SERGEF: variants seen among roughly 807,000 people sequenced by gnomAD.
The protein encoded by SERGEF is secretion-regulating guanine nucleotide exchange factor.
Under a neutral mutation model 50.0 loss-of-function variants are expected in SERGEF, and 51 were observed. The observed-to-expected ratio is 1.02, with a 90% CI of 0.81 to 1.29. The LOEUF (loss-of-function observed/expected upper bound fraction) is 1.29. Among genes scored for constraint, SERGEF ranks in the 50% most tolerant of loss-of-function variants. The pLI is 0.00. For missense variants in SERGEF, 521 were observed against 557.0 expected, an observed-to-expected ratio of 0.94 and a Z score of 0.65; for synonymous variants, 205 against 212.4, an observed-to-expected ratio of 0.97 and a Z score of 0.30.
intron 8 of SERGEF, among the ~76,000 whole-genome samples, chr11:17,972,096 T>C (rs567674205): frequency 1.3e-5 from 2 of 152,254 alleles, no homozygotes; most frequent in African/African-American, 4.8e-5. Flanking sequence ...TTGCTTCTTA[T>C]GGATGGCAAA....
chr11:17,864,737 G>C (rs1850990726), intron 10 of SERGEF, among the ~76,000 whole-genome samples: 1 of 152,134 alleles, frequency 6.6e-6, no homozygotes, highest in South Asian at 2.1e-4. Context: ...CTCCCTGTCT[G>C]GCAAACAGCT....
At chr11:17,880,394 T>C (rs768180360) in intron 9 of SERGEF, among the ~76,000 whole-genome samples, 26 of 152,160 alleles carry the variant, frequency 1.7e-4, no homozygotes, top group Non-Finnish European at 3.2e-4. Flanking sequence ...TGTCGAACAA[T>C]TGGGAAATGC....
Position 17,873,032 on chromosome 11 carries a change from C to G in SERGEF, c.1048+5176G>C, listed in dbSNP as rs1301437083. Among the ~76,000 whole-genome samples, 6 of 152,038 alleles carry G rather than the reference C, an allele frequency of 3.9e-5. No individual in the cohort carries two copies. In the East Asian group the frequency reaches 9.6e-4, roughly 24 times the overall value. On this transcript the variant is annotated intron_variant, in intron 10 of 10. Coordinates refer to ENST00000265965, the MANE Select transcript of SERGEF (RefSeq NM_012139.4). ...CATGTGGTAGAAGGGTTTTGGGGAG[C>G]TAGAGAGAGGGGGATAGCATGGAAG...
chr11:17,956,866 A>G (rs554135998), intron 9 of SERGEF, among the ~76,000 whole-genome samples: 43 of 152,294 alleles, frequency 2.8e-4, no homozygotes, highest in African/African-American at 9.6e-4. Flanking sequence ...CCCATGACCA[A>G]GGTAGCACCT....
intron 9 of SERGEF, among the ~76,000 whole-genome samples, chr11:17,901,253 T>C (rs1851744994): frequency 6.6e-6 from 1 of 152,208 alleles, no homozygotes; most frequent in South Asian, 2.1e-4. Flanking sequence ...AAAACACCTG[T>C]ACTGGACAAT....
chr11:18,007,883 C>A (rs550664411), intron 2 of SERGEF, 58 bp downstream of exon 2: 3 of 1,514,466 alleles, frequency 2.0e-6, no homozygotes, highest in Admixed American at 3.7e-5. Flanking sequence ...AATATCATAT[C>A]CAGGGGAAAA....
intron 9 of SERGEF, among the ~76,000 whole-genome samples, chr11:17,957,547 T>G (rs966501578): frequency 3.3e-5 from 5 of 152,174 alleles, no homozygotes; most frequent in African/African-American, 1.2e-4. Flanking sequence ...GCACCTTAAC[T>G]CACTAAGCAG....
chr11:17,847,351 G>A (rs903447346), intron 10 of SERGEF, among the ~76,000 whole-genome samples: 2 of 152,132 alleles, frequency 1.3e-5, no homozygotes, highest in Non-Finnish European at 2.9e-5. Flanking sequence ...CTTTATTTGG[G>A]GGGAAGGGGG....
chr11:17,827,085 T>C (rs1850210039), intron 10 of SERGEF, among the ~76,000 whole-genome samples: 1 of 152,252 alleles, frequency 6.6e-6, no homozygotes. Flanking sequence ...CCTGAGATTT[T>C]ATTATTCTGA....
At chr11:17,953,367 G>C (rs1381533056) in intron 9 of SERGEF, among the ~76,000 whole-genome samples, 1 of 152,184 alleles carries the variant, frequency 6.6e-6, no homozygotes, top group Non-Finnish European at 1.5e-5. Context: ...AAGGTGAATA[G>C]GCACGAAAGT....
chr11:18,012,036 T>TCATGTGTATTTCCCC (rs1160047250), intron 1 of SERGEF, among the ~76,000 whole-genome samples: 1 of 152,230 alleles, frequency 6.6e-6, no homozygotes, highest in South Asian at 2.1e-4. Context: ...TGTATTTCAC[T>TCATGTGTATTTCCCC]CATGTGTATT....
At chr11:17,929,998 G>T (rs1852322943) in intron 9 of SERGEF, among the ~76,000 whole-genome samples, 1 of 152,190 alleles carries the variant, frequency 6.6e-6, no homozygotes, top group Admixed American at 6.5e-5. Flanking sequence ...CTGAACAAAT[G>T]AACAAACTGG....
chr11:17,854,921 C>T (rs780309065), intron 10 of SERGEF: 30 of 152,112 alleles, frequency 2.0e-4, no homozygotes, highest in Admixed American at 4.6e-4. Context: ...TATATTATCC[C>T]GTCTAACTGT....
intron 8 of SERGEF, among the ~76,000 whole-genome samples, chr11:17,970,562 G>C (rs1853225807): frequency 6.6e-6 from 1 of 152,184 alleles, no homozygotes; most frequent in Non-Finnish European, 1.5e-5. Flanking sequence ...TTAATCTTAG[G>C]GAGGAAGGTA....
intron 10 of SERGEF, among the ~76,000 whole-genome samples, chr11:17,820,625 G>A (rs1303192639): frequency 6.6e-6 from 1 of 152,166 alleles, no homozygotes; most frequent in East Asian, 1.9e-4. Context: ...TACAATCTTG[G>A]ACTGTATAGT....
chr11:17,904,331 T>C (rs1447292642), intron 9 of SERGEF, among the ~76,000 whole-genome samples: 1 of 152,198 alleles, frequency 6.6e-6, no homozygotes, highest in Non-Finnish European at 1.5e-5. Context: ...GACTAAAGTC[T>C]ACTCTTAAGA....
intron 8 of SERGEF, among the ~76,000 whole-genome samples, chr11:17,973,992 G>A (rs568672500): frequency 6.6e-6 from 1 of 152,298 alleles, no homozygotes; most frequent in East Asian, 1.9e-4. Context: ...CAAAGTAGGG[G>A]GTTGGGAGAG....
intron 9 of SERGEF, among the ~76,000 whole-genome samples, chr11:17,880,210 T>C (rs1034378426): frequency 1.3e-5 from 2 of 152,234 alleles, no homozygotes; most frequent in Admixed American, 6.5e-5. Context: ...GTTTAGTCTC[T>C]GAGCTCCTTT....
intron 9 of SERGEF, among the ~76,000 whole-genome samples, chr11:17,932,535 G>A (rs3993323): frequency 0.12 from 18,305 of 152,204 alleles, 1,351 homozygotes; most frequent in Middle Eastern, 0.22. Context: ...AGACTGCTTA[G>A]AGTTGAATTT....
Sources: allele counts gnomAD v4.1 joint callset (sites outside exome capture counted in the v4.1 genomes callset), GRCh38; gene constraint gnomAD v4.1.1; transcripts MANE v1.5; gene names NCBI Gene and HGNC (gene_info 2026-07-23, HGNC 2026-07-21).